SPOCK3: variants seen among roughly 807,000 people sequenced by gnomAD.
SPOCK3 encodes the protein testican-3.
In SPOCK3, 30 loss-of-function variants were observed where a neutral mutation model predicts 56.6. The ratio of observed to expected loss-of-function variants is 0.53; its 90% CI spans 0.40 to 0.72. SPOCK3 has a LOEUF of 0.72. SPOCK3 is among the 30% of genes least tolerant of loss of function. The pLI is 0.00. For synonymous variants in SPOCK3, 196 were observed against 183.3 expected, an observed-to-expected ratio of 1.07 and a Z score of -0.56; for missense variants, 527 against 530.0, an observed-to-expected ratio of 0.99 and a Z score of 0.06.
intron 2 of SPOCK3, among the ~76,000 whole-genome samples, chr4:167,131,213 A>G (rs994867401): frequency 3.9e-5 from 6 of 152,094 alleles, no homozygotes; most frequent in African/African-American, 1.4e-4. Context: ...TCTCTATCAC[A>G]TTAAGAATTA....
intron 3 of SPOCK3, among the ~76,000 whole-genome samples, chr4:167,014,191 G>A (rs1478860101): frequency 6.6e-6 from 1 of 151,736 alleles, no homozygotes; most frequent in African/African-American, 2.4e-5. Flanking sequence ...CCTCTAGTAG[G>A]ACACAGAATT....
chr4:167,051,408 A>G (rs1341714532), intron 3 of SPOCK3, among the ~76,000 whole-genome samples: 1 of 152,232 alleles, frequency 6.6e-6, no homozygotes, highest in African/African-American at 2.4e-5. Flanking sequence ...GCTTCAGATT[A>G]TAATATTGTT....
At chr4:166,866,043 A>G (rs994897539) in intron 6 of SPOCK3, among the ~76,000 whole-genome samples, 5 of 152,196 alleles carry the variant, frequency 3.3e-5, no homozygotes, top group East Asian at 1.9e-4. Flanking sequence ...CTGCAAGGCT[A>G]TGGTAACCAA....
chr4:167,121,518 C>T (rs561378564), intron 2 of SPOCK3, among the ~76,000 whole-genome samples: 22 of 151,300 alleles, frequency 1.5e-4, no homozygotes, highest in Non-Finnish European at 2.1e-4. Context: ...TTTCCTACCT[C>T]GGAGCTAAAT....
At chr4:166,961,751 A>G (rs1302194853) in intron 4 of SPOCK3, among the ~76,000 whole-genome samples, 1 of 152,162 alleles carries the variant, frequency 6.6e-6, no homozygotes, top group Admixed American at 6.6e-5. Context: ...AACAAACAAA[A>G]AAGTCAAAAA....
chr4:167,005,091 C>G (rs968724377), intron 3 of SPOCK3, among the ~76,000 whole-genome samples: 4 of 152,206 alleles, frequency 2.6e-5, no homozygotes, highest in African/African-American at 9.6e-5. Flanking sequence ...ATTTTTATGG[C>G]CAACTCTCTT....
chr4:166,827,952 T>G (rs949656975), intron 6 of SPOCK3, among the ~76,000 whole-genome samples: 1 of 152,046 alleles, frequency 6.6e-6, no homozygotes, highest in African/African-American at 2.4e-5. Context: ...ATGAAAAACT[T>G]TTAGCAGCCC....
At chr4:166,925,349 G>T (rs2149985016) in intron 4 of SPOCK3, among the ~76,000 whole-genome samples, 1 of 152,066 alleles carries the variant, frequency 6.6e-6, no homozygotes, top group African/African-American at 2.4e-5. Context: ...TTTTGACCCT[G>T]CTCTAAGAAA....
intron 2 of SPOCK3, among the ~76,000 whole-genome samples, chr4:167,088,309 G>A (rs1055425512): frequency 9.9e-5 from 15 of 152,108 alleles, no homozygotes; most frequent in Non-Finnish European, 2.1e-4. Flanking sequence ...TGATGCTGAT[G>A]CCATTGTGGT....
chr4:167,232,699 T>C (rs1737297484), intron 2 of SPOCK3, among the ~76,000 whole-genome samples: 1 of 152,210 alleles, frequency 6.6e-6, no homozygotes, highest in Non-Finnish European at 1.5e-5. Context: ...AATAAAATGA[T>C]GCTTAAGCTT....
chr4:167,183,743 A>C lies in SPOCK3; in HGVS notation c.189+50242T>G, dbSNP rs540242415. Among the ~76,000 whole-genome samples the C allele has an allele frequency of 9.2e-5, 14 of 152,332 alleles. No individual in the cohort carries two copies. In the South Asian group the frequency reaches 2.9e-3, roughly 32 times the overall value. ...TCCTTTGAAAAATAGAATGAAGAGA[A>C]GCCTACAATTTATCAGACTGTAAAT... On this transcript the variant is annotated intron_variant, in intron 2 of 10. Transcript: ENST00000357545.
intron 4 of SPOCK3, among the ~76,000 whole-genome samples, chr4:166,963,710 T>C (rs1744399316): frequency 6.6e-6 from 1 of 152,004 alleles, no homozygotes; most frequent in South Asian, 2.1e-4. Flanking sequence ...CTTCCTTTTA[T>C]GCAAAGCCTT....
chr4:167,200,332 C>T (rs1179215578), intron 2 of SPOCK3, among the ~76,000 whole-genome samples: 1 of 151,970 alleles, frequency 6.6e-6, no homozygotes, highest in African/African-American at 2.4e-5. Flanking sequence ...TAGTCTATTT[C>T]ACTGACACAG....
At chr4:167,068,543 A>G (rs549363722) in intron 2 of SPOCK3, among the ~76,000 whole-genome samples, 1 of 151,904 alleles carries the variant, frequency 6.6e-6, no homozygotes, top group Non-Finnish European at 1.5e-5. Context: ...TGAATAAAAT[A>G]TATGGTATAT....
At chr4:166,907,720 A>G (rs764517705) in intron 5 of SPOCK3, among the ~76,000 whole-genome samples, 6 of 152,106 alleles carry the variant, frequency 3.9e-5, no homozygotes, top group Admixed American at 6.6e-5. Context: ...ACTTTATTGC[A>G]TAGACATTTG....
In SPOCK3 at chr4:166,734,876, G is replaced by A; in HGVS notation, c.*45C>T. ...TAATTTTAAATAGGCTATCATTTTTGTAAATATTAGAAATGTAGAATTTAT... is the reference window on the plus strand; with the variant it reads ...TAATTTTAAATAGGCTATCATTTTTATAAATATTAGAAATGTAGAATTTAT... On this transcript the variant is annotated 3_prime_UTR_variant, in exon 11 of 11. Transcript: ENST00000357545. The A allele has an allele frequency of 1.5e-6, 2 of 1,367,492 alleles. No individual in the cohort carries two copies. The highest frequency in any genetic ancestry group is 2.0e-6 in the Non-Finnish European group (2 of 1,012,430). 84.7% of individuals were successfully genotyped at this position (1,367,492 alleles called of 1,614,324 possible).
intron 4 of SPOCK3, among the ~76,000 whole-genome samples, chr4:166,926,134 G>A (rs1294493021): frequency 6.6e-6 from 1 of 152,066 alleles, no homozygotes; most frequent in Admixed American, 6.6e-5. Flanking sequence ...GAGAAAATAA[G>A]TGATGACATA....
chr4:167,144,853 G>A (rs1216100879), intron 2 of SPOCK3, among the ~76,000 whole-genome samples: 1 of 151,894 alleles, frequency 6.6e-6, no homozygotes, highest in Non-Finnish European at 1.5e-5. Context: ...TAAGCAGAAA[G>A]CCAGAGAGCA....
chr4:167,218,736 A>G (rs569455086), intron 2 of SPOCK3, among the ~76,000 whole-genome samples: 8 of 152,304 alleles, frequency 5.3e-5, no homozygotes, highest in African/African-American at 1.9e-4. Context: ...AAAAATTTTT[A>G]TCTAGAAAAA....
Sources: gnomAD v4.1 joint callset for allele counts (sites outside exome capture counted in the v4.1 genomes callset) on GRCh38, gnomAD v4.1.1 for gene constraint, MANE v1.5 for transcripts, NCBI Gene and HGNC (gene_info 2026-07-23, HGNC 2026-07-21) for gene names.